SGCZ: variants seen among roughly 807,000 people sequenced by gnomAD.
SGCZ encodes zeta-sarcoglycan.
In SGCZ, 40 loss-of-function variants were observed where a neutral mutation model predicts 41.3. That is an observed-to-expected ratio of 0.97 (90% CI 0.75 to 1.26). SGCZ has a LOEUF of 1.26. SGCZ is among the 50% of genes most tolerant of loss of function. SGCZ has a pLI of 0.00. For synonymous variants in SGCZ, 206 were observed against 137.5 expected (o/e 1.50, Z -3.49); for missense variants, 552 against 369.8 (o/e 1.49, Z -4.04).
intron 1 of SGCZ, among the ~76,000 whole-genome samples, chr8:15,171,519 A>T (rs910786251): frequency 1.3e-5 from 2 of 152,232 alleles, no homozygotes; most frequent in African/African-American, 4.8e-5. Flanking sequence ...AAAATCACTC[A>T]AAGTCTAAAA....
At chr8:14,495,415 C>T (rs1801960902) in intron 2 of SGCZ, among the ~76,000 whole-genome samples, 1 of 152,052 alleles carries the variant, frequency 6.6e-6, no homozygotes, top group Non-Finnish European at 1.5e-5. Context: ...GTTTACGGAC[C>T]AAACACTAAG....
chr8:14,476,316 C>T (rs1395489398), intron 2 of SGCZ, among the ~76,000 whole-genome samples: 1 of 152,058 alleles, frequency 6.6e-6, no homozygotes, highest in Non-Finnish European at 1.5e-5. Flanking sequence ...ATGGGTTCTC[C>T]AGCTTACAGA....
At chr8:14,426,727 C>A (rs1436222480) in intron 2 of SGCZ, among the ~76,000 whole-genome samples, 2 of 152,136 alleles carry the variant, frequency 1.3e-5, no homozygotes, top group East Asian at 3.9e-4. Flanking sequence ...GAAACTCTCA[C>A]AGCAGGCAAC....
chr8:14,846,893 A>C (rs1371294134), intron 1 of SGCZ, among the ~76,000 whole-genome samples: 1 of 151,794 alleles, frequency 6.6e-6, no homozygotes, highest in Admixed American at 6.6e-5. Flanking sequence ...AACTCGGTGA[A>C]ACGACATCTC....
intron 1 of SGCZ, among the ~76,000 whole-genome samples, chr8:14,581,666 CTAT>C (rs1563130432): frequency 6.6e-6 from 1 of 152,120 alleles, no homozygotes; most frequent in Admixed American, 6.6e-5. Context: ...CCAAGAGTTA[CTAT>C]TCTTCTCTAA....
intron 3 of SGCZ, among the ~76,000 whole-genome samples, chr8:14,278,230 G>C (rs1037952440): frequency 6.6e-6 from 1 of 152,120 alleles, no homozygotes; most frequent in South Asian, 2.1e-4. Context: ...AGGTATTTAA[G>C]CTTCAGCCAT....
chr8:14,344,757 T>C (rs117039480), intron 2 of SGCZ, among the ~76,000 whole-genome samples: 5 of 152,262 alleles, frequency 3.3e-5, no homozygotes, highest in Non-Finnish European at 7.4e-5. Context: ...ATTGTGGTTT[T>C]ATACATGAGA....
chr8:14,414,831 A>G (rs1799452521), intron 2 of SGCZ, among the ~76,000 whole-genome samples: 1 of 151,984 alleles, frequency 6.6e-6, no homozygotes, highest in Non-Finnish European at 1.5e-5. Flanking sequence ...CAATTATTAA[A>G]CACCATGAAA....
intron 1 of SGCZ, among the ~76,000 whole-genome samples, chr8:14,602,085 A>T (rs1008620352): frequency 3.3e-5 from 5 of 152,108 alleles, no homozygotes; most frequent in African/African-American, 1.2e-4. Flanking sequence ...GCGCCACTGC[A>T]CTCCAGCCTG....
chr8:14,501,273 G>A (rs939604843), intron 2 of SGCZ, among the ~76,000 whole-genome samples: 15 of 151,662 alleles, frequency 9.9e-5, no homozygotes, highest in African/African-American at 3.4e-4. Flanking sequence ...AATAATCAAC[G>A]GTAATCATCT....
intron 1 of SGCZ, among the ~76,000 whole-genome samples, chr8:14,839,791 C>G (rs960684296): frequency 1.3e-5 from 2 of 152,050 alleles, no homozygotes; most frequent in African/African-American, 4.8e-5. Context: ...TATTTGGACA[C>G]AAACATTTAG....
rs149013461 is a variant in SGCZ, at chr8:14,467,557, T to C, written c.234+87175A>G. 2.1e-3 allele frequency among the ~76,000 whole-genome samples: 313 copies of C among 152,202 alleles called. 4 individuals carry two copies. The highest frequency in any genetic ancestry group is 7.0e-3 in the African/African-American group (291 of 41,532). The stretch of plus-strand genomic sequence containing the variant: ...GCTCTGAGATGGGTAGTTGCTACTG[T>C]GCTACGAGGAGCAATCGACTGAAAT... On this transcript the variant is annotated intron_variant, in intron 2 of 7. Coordinates refer to ENST00000382080, the MANE Select transcript of SGCZ (RefSeq NM_139167.4).
intron 1 of SGCZ, among the ~76,000 whole-genome samples, chr8:15,045,719 T>A (rs1222486316): frequency 6.6e-6 from 1 of 152,090 alleles, no homozygotes; most frequent in African/African-American, 2.4e-5. Flanking sequence ...GATTCTCTCA[T>A]CAGAGTTGAA....
intron 1 of SGCZ, among the ~76,000 whole-genome samples, chr8:14,583,579 C>T (rs901117519): frequency 6.6e-6 from 1 of 151,976 alleles, no homozygotes; most frequent in African/African-American, 2.4e-5. Context: ...AAGTCCTTGC[C>T]CATGCCTATG....
chr8:14,185,704 C>T (rs948200180), intron 4 of SGCZ, among the ~76,000 whole-genome samples: 1 of 151,894 alleles, frequency 6.6e-6, no homozygotes, highest in African/African-American at 2.4e-5. Context: ...GGTCTATATC[C>T]CTGCTCACTC....
At chr8:14,776,183 G>C (rs1800395459) in intron 1 of SGCZ, among the ~76,000 whole-genome samples, 1 of 152,134 alleles carries the variant, frequency 6.6e-6, no homozygotes, top group Admixed American at 6.5e-5. Context: ...TCTTTGATAT[G>C]GTTTGACTGT....
intron 1 of SGCZ, among the ~76,000 whole-genome samples, chr8:15,163,011 T>G (rs1240696959): frequency 2.0e-5 from 3 of 152,180 alleles, no homozygotes; most frequent in African/African-American, 4.8e-5. Context: ...AAACATTATT[T>G]TGAAATCATT....
chr8:14,114,978 G>C (rs1388972781), intron 5 of SGCZ, among the ~76,000 whole-genome samples: 1 of 151,926 alleles, frequency 6.6e-6, no homozygotes. Context: ...GAATGAATAT[G>C]TGGTTTGATG....
intron 2 of SGCZ, among the ~76,000 whole-genome samples, chr8:14,530,946 C>A (rs776159569): frequency 6.6e-6 from 1 of 151,968 alleles, no homozygotes; most frequent in Non-Finnish European, 1.5e-5. Context: ...CAAATGATAG[C>A]GATAGGAGGC....
Sources: allele counts gnomAD v4.1 joint callset (sites outside exome capture counted in the v4.1 genomes callset), GRCh38; gene constraint gnomAD v4.1.1; transcripts MANE v1.5; gene names NCBI Gene and HGNC (gene_info 2026-07-23, HGNC 2026-07-21).